EFCAB6: variants seen among roughly 807,000 people sequenced by gnomAD.
The protein encoded by EFCAB6 is EF-hand calcium-binding domain-containing protein 6.
In EFCAB6, 156 loss-of-function variants were observed where a neutral mutation model predicts 169.8. That is an observed-to-expected ratio of 0.92 (90% confidence interval 0.81 to 1.05). The LOEUF is 1.05. Among genes scored for constraint, EFCAB6 ranks in the 50% least tolerant of loss-of-function variants. The probability of loss-of-function intolerance (pLI) is 0.00; values close to 1 mark genes in which losing one functional copy is unlikely to be tolerated. For synonymous variants in EFCAB6, 698 were observed against 676.4 expected, an observed-to-expected ratio of 1.03 and a Z score of -0.50; for missense variants, 1,800 against 1,829.1, an observed-to-expected ratio of 0.98 and a Z score of 0.29.
rs116896825 is a variant in EFCAB6, at chr22:43,697,207, G to A, written c.1032-9626C>T. On this transcript the variant is annotated intron_variant, in intron 10 of 31. Coordinates refer to ENST00000262726, the MANE Select transcript of EFCAB6 (RefSeq NM_022785.4). ...GAATAAATTAACACCTTTCTGAAGT[G>A]CATTTTAGCATTACCTAACGTAAAC... is the stretch of plus-strand genomic sequence containing the variant. 1.9e-3 allele frequency among the ~76,000 whole-genome samples: 295 copies of A among 152,294 alleles called. 3 individuals carry two copies. Among genetic ancestry groups the A allele is most frequent in the Non-Finnish European group, 2.9e-3 (195 of 68,020 alleles).
At chr22:43,548,347 C>G (rs2048181189) in intron 27 of EFCAB6, among the ~76,000 whole-genome samples, 2 of 151,498 alleles carry the variant, frequency 1.3e-5, no homozygotes, top group Non-Finnish European at 2.9e-5. Context: ...TCAAGACCAG[C>G]CTGGCCAACA....
In EFCAB6 at chr22:43,744,268, G is replaced by T. The variant is rs1398119716; in HGVS notation, c.508-8275C>A. ...ATGAAGGATGGATGGGTGGATGGAT[G>T]AGTGGGTGGGTAGGTGGGGAGATTG... On this transcript the variant is annotated intron_variant, in intron 6 of 31. Coordinates refer to ENST00000262726, the MANE Select transcript of EFCAB6 (RefSeq NM_022785.4). The surrounding 1 kb of genome is among the most constrained non-coding windows in gnomAD (Gnocchi z 4.3). Among the ~76,000 whole-genome samples, 1 of 152,080 alleles carries T rather than the reference G, an allele frequency of 6.6e-6. No individual in the cohort carries two copies. The highest frequency in any genetic ancestry group is 2.4e-5 in the African/African-American group (1 of 41,418).
chr22:43,630,338 G>A (rs796980134), intron 19 of EFCAB6, among the ~76,000 whole-genome samples: 8 of 152,280 alleles, frequency 5.3e-5, no homozygotes, highest in African/African-American at 1.4e-4. Context: ...ATTCTCTGGC[G>A]GGATAGAGTG....
intron 5 of EFCAB6, among the ~76,000 whole-genome samples, chr22:43,764,017 C>A (rs987086836): frequency 5.9e-5 from 9 of 152,168 alleles, no homozygotes; most frequent in African/African-American, 2.2e-4. Context: ...CTCACCTCAG[C>A]CTCCCAAAGT....
intron 5 of EFCAB6, 34 bp from the exon 6 acceptor site, chr22:43,755,866 T>C (rs1428112131): frequency 6.5e-7 from 1 of 1,539,722 alleles, no homozygotes; most frequent in African/African-American, 1.4e-5. Flanking sequence ...TATTAAAACA[T>C]TTTAACCAAA....
At chr22:43,789,422 A>T (rs977791441) in intron 2 of EFCAB6, among the ~76,000 whole-genome samples, 1 of 152,164 alleles carries the variant, frequency 6.6e-6, no homozygotes, top group African/African-American at 2.4e-5. Context: ...CCCTTTCAAT[A>T]ATTTCTAAGG....
chr22:43,539,752 A>G (rs2047587660), intron 28 of EFCAB6, among the ~76,000 whole-genome samples: 1 of 152,224 alleles, frequency 6.6e-6, no homozygotes, highest in Admixed American at 6.5e-5. Context: ...GAAAATGGGT[A>G]TAACTTGCTT....
chr22:43,605,250 G>T (rs2052827802), intron 22 of EFCAB6, among the ~76,000 whole-genome samples: 1 of 152,120 alleles, frequency 6.6e-6, no homozygotes, highest in South Asian at 2.1e-4. Flanking sequence ...GCTAACTATG[G>T]GAAGAATTTA....
intron 20 of EFCAB6, among the ~76,000 whole-genome samples, chr22:43,616,442 G>A (rs946776882): frequency 2.0e-5 from 3 of 152,150 alleles, no homozygotes; most frequent in Non-Finnish European, 4.4e-5. Flanking sequence ...GCGGGTGGAT[G>A]ACTTGAGGTC....
At chr22:43,811,580 CA>C (rs942776028) in intron 1 of EFCAB6, among the ~76,000 whole-genome samples, 1 of 152,000 alleles carries the variant, frequency 6.6e-6, no homozygotes, top group African/African-American at 2.4e-5. Context: ...CTGAGGGAGG[CA>C]GGGGTAATTA....
At chr22:43,782,385 C>A in intron 2 of EFCAB6, 60 bp from the exon 3 acceptor site, 1 of 1,467,308 alleles carries the variant, frequency 6.8e-7, no homozygotes. Context: ...CAAATGTGGC[C>A]AATTTCCTAT....
At chr22:43,612,914 TA>T (rs1357868689) in intron 21 of EFCAB6, among the ~76,000 whole-genome samples, 2 of 86,464 alleles carry the variant, frequency 2.3e-5, no homozygotes, top group East Asian at 3.6e-4. Context: ...AAAAAAAAAG[TA>T]AAAAAAAACA....
At chr22:43,653,228 A>C (rs1262351367) in intron 17 of EFCAB6, among the ~76,000 whole-genome samples, 1 of 152,084 alleles carries the variant, frequency 6.6e-6, no homozygotes, top group Non-Finnish European at 1.5e-5. Flanking sequence ...AGAACTGCAG[A>C]CTCCAGCAGG....
At chr22:43,725,937 A>G (rs1056279668) in intron 8 of EFCAB6, among the ~76,000 whole-genome samples, 1 of 152,202 alleles carries the variant, frequency 6.6e-6, no homozygotes, top group Admixed American at 6.5e-5. Context: ...ATTGTATTTT[A>G]CGATGAATGC....
At chr22:43,546,743 C>T (rs1025570880) in intron 27 of EFCAB6, among the ~76,000 whole-genome samples, 10 of 151,564 alleles carry the variant, frequency 6.6e-5, no homozygotes, top group South Asian at 2.1e-4. Context: ...TGTGGTGGTG[C>T]GCACCTGTAA....
At position 43,618,143 on chromosome 22, in the gene EFCAB6, G is replaced by GA. The variant is rs1555969590; in HGVS notation, c.2466-2222dup. Among the ~76,000 whole-genome samples the GA allele has an allele frequency of 5.7e-3, 367 of 63,962 alleles. 5 individuals carry two copies. Among genetic ancestry groups the GA allele is most frequent in the South Asian group, 9.1e-3 (15 of 1,652 alleles). 42.0% of individuals were successfully genotyped at this position (63,962 alleles called of 152,430 possible). A position where few individuals can be genotyped will look rare whatever the true frequency, so the allele number is the denominator to read the frequency against. ...AAAAAAAAAAGAAAGAGACAGAGAG[G>GA]AGGAAGGAAGGAAGGAAGGAAGGAA... On this transcript the variant is annotated intron_variant, in intron 20 of 31. Coordinates refer to ENST00000262726, the MANE Select transcript of EFCAB6 (RefSeq NM_022785.4).
At chr22:43,586,381 C>CTTTTTTTTTTTTTTTTTTTTTT (rs1569202993) in intron 24 of EFCAB6, among the ~76,000 whole-genome samples, 1 of 70,180 alleles carries the variant, frequency 1.4e-5, no homozygotes, top group African/African-American at 6.8e-5. Context: ...CGTGGTCTCG[C>CTTTTTTTTTTTTTTTTTTTTTT]TTTTTTTGTG....
intron 2 of EFCAB6, among the ~76,000 whole-genome samples, chr22:43,805,320 T>C (rs1455061191): frequency 1.3e-5 from 2 of 152,344 alleles, no homozygotes; most frequent in East Asian, 1.9e-4. Context: ...TTCAGTGCGA[T>C]GTGATACATA....
intron 24 of EFCAB6, among the ~76,000 whole-genome samples, chr22:43,588,922 C>T (rs567321760): frequency 4.6e-5 from 7 of 152,016 alleles, no homozygotes; most frequent in Admixed American, 1.3e-4. Flanking sequence ...CCAAAACTGA[C>T]GCAGCAATAC....
Sources: gnomAD v4.1 joint callset for allele counts (sites outside exome capture counted in the v4.1 genomes callset) on GRCh38, gnomAD v4.1.1 for gene constraint, Gnocchi (gnomAD v3.1) non-coding constraint, MANE v1.5 for transcripts, NCBI Gene and HGNC (gene_info 2026-07-23, HGNC 2026-07-21) for gene names.